Variants in LRRK2 observed in about 807,000 individuals in gnomAD.
The protein encoded by LRRK2 is leucine-rich repeat serine/threonine-protein kinase 2.
LRRK2 carries 203 observed loss-of-function variants against 302.6 expected under a neutral mutation model. That is an observed-to-expected ratio of 0.67 (90% CI 0.60 to 0.75). The LOEUF is 0.75. LRRK2 is among the 30% of genes least tolerant of loss of function. The pLI is 0.00. For missense variants in LRRK2, 2,830 were observed against 2,951.0 expected, an observed-to-expected ratio of 0.96 and a Z score of 0.95; for synonymous variants, 1,066 against 1,031.9, an observed-to-expected ratio of 1.03 and a Z score of -0.63.
In LRRK2 at chr12:40,243,650, G is replaced by C. The variant is rs1941842695; in HGVS notation, c.807G>C (p.Val269=). ...AFPMSERIQE[V]SCCLLHRLTL... The stretch of plus-strand genomic sequence containing the variant: ...CTATGAGTGAAAGAATTCAAGAAGT[G>C]AGTTGCTGTTTGCTCCATAGGCTTA... The change falls in exon 7 of 51, where the codon GTG becomes GTC. Residue 269 remains valine (V), a synonymous_variant. Coordinates refer to ENST00000298910, the MANE Select transcript of LRRK2 (RefSeq NM_198578.4). 1.2e-6 allele frequency: 2 copies of C among 1,611,848 alleles called. No individual in the cohort carries two copies. Among genetic ancestry groups the C allele is most frequent in the African/African-American group, 2.7e-5 (2 of 74,808 alleles).
intron 20 of LRRK2, 99 bp from the exon 21 acceptor site, chr12:40,293,446 T>C: frequency 2.7e-6 from 2 of 729,230 alleles, no homozygotes; most frequent in Non-Finnish European, 4.8e-6. Context: ...TTAATAAAAA[T>C]AGGTCTAATC....
At chr12:40,356,498 A>C (rs979526766) in intron 46 of LRRK2, among the ~76,000 whole-genome samples, 2 of 152,210 alleles carry the variant, frequency 1.3e-5, no homozygotes, top group Admixed American at 6.5e-5. Context: ...TTGTGGAAAA[A>C]AAACAAAAAT....
At chr12:40,284,533 T>C (rs995165889) in intron 19 of LRRK2, among the ~76,000 whole-genome samples, 6 of 152,134 alleles carry the variant, frequency 3.9e-5, no homozygotes, top group African/African-American at 1.4e-4. Flanking sequence ...CATGTACCTA[T>C]GCATTCAAAT....
At chr12:40,348,547 T>C (rs770223383) in intron 43 of LRRK2, 38 bp downstream of exon 43, 14 of 1,301,910 alleles carry the variant, frequency 1.1e-5, no homozygotes, top group African/African-American at 4.3e-5. Context: ...GTACAGAACA[T>C]CATTTGCATA....
intron 3 of LRRK2, among the ~76,000 whole-genome samples, chr12:40,233,850 G>A (rs17484093): frequency 6.6e-6 from 1 of 152,176 alleles, no homozygotes; most frequent in Non-Finnish European, 1.5e-5. Flanking sequence ...CACTCACTTT[G>A]TTCATCCAGT....
chr12:40,314,540 G>T (rs1303705929), intron 32 of LRRK2, among the ~76,000 whole-genome samples: 1 of 152,024 alleles, frequency 6.6e-6, no homozygotes, highest in Non-Finnish European at 1.5e-5. Flanking sequence ...TTTTTATATT[G>T]CAAAGGGGAA....
intron 31 of LRRK2, among the ~76,000 whole-genome samples, chr12:40,313,675 G>A (rs551040031): frequency 1.4e-5 from 2 of 147,316 alleles, no homozygotes; most frequent in East Asian, 2.0e-4. Flanking sequence ...TTTATGGTTA[G>A]TGATTTATCT....
At chr12:40,294,093 A>G (rs897936263) in intron 21 of LRRK2, among the ~76,000 whole-genome samples, 1 of 151,810 alleles carries the variant, frequency 6.6e-6, no homozygotes, top group African/African-American at 2.4e-5. Context: ...AACAAGATGG[A>G]GTAGCATAAT....
intron 40 of LRRK2, among the ~76,000 whole-genome samples, chr12:40,339,526 T>C (rs369444804): frequency 6.6e-6 from 1 of 152,216 alleles, no homozygotes; most frequent in African/African-American, 2.4e-5. Context: ...CCAACTCTAG[T>C]TGCTCGTGAT....
At chr12:40,345,622 C>CAAAAAAAAAAA (rs144415226) in intron 41 of LRRK2, among the ~76,000 whole-genome samples, 50 of 67,418 alleles carry the variant, frequency 7.4e-4, no homozygotes, top group Middle Eastern at 0.011. Context: ...GACTCCATCT[C>CAAAAAAAAAAA]AAAAAAAAAA....
chr12:40,241,504 G>C (rs538135796), intron 6 of LRRK2, among the ~76,000 whole-genome samples: 3 of 143,374 alleles, frequency 2.1e-5, no homozygotes, highest in African/African-American at 7.3e-5. Context: ...TGTTTTGTAA[G>C]TGACCATTAA....
At chr12:40,251,897 A>G (rs1480839383) in intron 10 of LRRK2, among the ~76,000 whole-genome samples, 1 of 152,202 alleles carries the variant, frequency 6.6e-6, no homozygotes, top group Non-Finnish European at 1.5e-5. Context: ...CTTTTCTTCT[A>G]TGGTGACTAG....
Position 40,308,625 on chromosome 12 carries a change from T to A in LRRK2, c.4118T>A (p.Val1373Glu). Residue 1373 changes from valine (V) to glutamate (E), a missense_variant, in exon 29 of 51, where the codon GTG becomes GAG. This residue lies in a region of LRRK2 where 2,121 missense variants were observed against 2,148.0 expected (regional missense o/e 0.99). Coordinates refer to ENST00000298910, the MANE Select transcript of LRRK2 (RefSeq NM_198578.4). ...CAAAGTGCCACAGTTGGCATAGATG[T>A]GAAAGACTGGCCTATCCAAATAAGA... ...GMQSATVGID[V>E]KDWPIQIRDK... 1.2e-6 allele frequency: 2 copies of A among 1,614,058 alleles called. No individual in the cohort carries two copies. The highest frequency in any genetic ancestry group is 1.7e-6 in the Non-Finnish European group (2 of 1,179,972).
intron 3 of LRRK2, among the ~76,000 whole-genome samples, chr12:40,233,001 G>T (rs1371740275): frequency 2.0e-5 from 3 of 152,136 alleles, no homozygotes; most frequent in Non-Finnish European, 4.4e-5. Flanking sequence ...CATTAATTAA[G>T]AAAATATTTT....
Position 40,308,564 on chromosome 12 carries a change from C to A in LRRK2, c.4057C>A (p.Gln1353Lys), listed in dbSNP as rs200526782. 72 of 1,613,846 alleles carry A rather than the reference C, an allele frequency of 4.5e-5. No individual in the cohort carries two copies. The highest frequency in any genetic ancestry group is 5.7e-5 in the Non-Finnish European group (67 of 1,179,938). The change falls in exon 29 of 51, where the codon CAA becomes AAA. Residue 1353 changes from glutamine to lysine, a missense_variant. Physicochemically the swap from Gln to Lys is moderately conservative, Grantham distance 53. Transcript: ENST00000298910. ...GAGTGGTAAAACCACCTTATTGCAG[C>A]AATTAATGAAAACCAAGAAATCAGA... ...TGSGKTTLLQQLMKTKKSDLG... is the reference protein window; with the variant it reads ...TGSGKTTLLQKLMKTKKSDLG...
chr12:40,353,091 C>T lies in LRRK2; in HGVS notation c.6577-1208C>T, dbSNP rs1946412122. The stretch of plus-strand genomic sequence containing the variant: ...GGGGCGGCGGCCGGGCGGGGGCTGC[C>T]CCCCACCTCCCGGATGGGGTGGCTG... On this transcript the variant is annotated intron_variant, in intron 44 of 50. Transcript: ENST00000298910. Among the ~76,000 whole-genome samples, 6 of 150,818 alleles carry T rather than the reference C, an allele frequency of 4.0e-5. No individual in the cohort carries two copies. In the South Asian group the frequency reaches 1.3e-3, roughly 32 times the overall value.
intron 43 of LRRK2, among the ~76,000 whole-genome samples, chr12:40,350,603 T>C (rs1946321488): frequency 6.6e-6 from 1 of 152,178 alleles, no homozygotes; most frequent in Non-Finnish European, 1.5e-5. Context: ...GTATTATAAT[T>C]AATTGGAAAA....
Position 40,308,702 on chromosome 12 carries a change from TCTTTCTATAGAATTTTAAAATTCA to T in LRRK2, c.4189+11_4189+34del, listed in dbSNP as rs749443429. 6.2e-7 allele frequency: 1 copy of T among 1,611,602 alleles called. No homozygotes were observed. The highest frequency in any genetic ancestry group is 8.5e-7 in the Non-Finnish European group (1 of 1,178,126). On this transcript the variant is annotated splice_region_variant and intron_variant, in intron 29 of 50. Coordinates refer to ENST00000298910, the MANE Select transcript of LRRK2 (RefSeq NM_198578.4). ...AAATGTGTGGGATTTTGCAGGTATT[TCTTTCTATAGAATTTTAAAATTCA>T]CTTTTACCATTTGTTTGGAACAGGG... is the stretch of plus-strand genomic sequence containing the variant.
chr12:40,285,594 A>G (rs1246282599), intron 19 of LRRK2, among the ~76,000 whole-genome samples: 2 of 152,112 alleles, frequency 1.3e-5, no homozygotes, highest in African/African-American at 4.8e-5. Flanking sequence ...TCTATGATAC[A>G]GACATTCTCA....
Sources: allele counts gnomAD v4.1 joint callset (sites outside exome capture counted in the v4.1 genomes callset), GRCh38; gene constraint gnomAD v4.1.1; regional missense constraint gnomAD v4.1.1; transcripts MANE v1.5; gene names NCBI Gene and HGNC (gene_info 2026-07-23, HGNC 2026-07-21).